Variants in PLCH2 observed in about 807,000 individuals in gnomAD.
PLCH2 encodes the protein 1-phosphatidylinositol 4,5-bisphosphate phosphodiesterase eta-2.
A neutral mutation model predicts 134.7 loss-of-function variants in PLCH2; 98 were observed. The ratio of observed to expected loss-of-function variants is 0.73; its 90% CI spans 0.62 to 0.86. PLCH2 has a LOEUF of 0.86. Ranked by LOEUF, PLCH2 falls within the 40% of genes least tolerant of loss-of-function variation. PLCH2 has a pLI of 0.00. For synonymous variants in PLCH2, 974 were observed against 827.5 expected, an observed-to-expected ratio of 1.18 and a Z score of -3.04; for missense variants, 1,994 against 1,986.6, an observed-to-expected ratio of 1.00 and a Z score of -0.07.
chr1:2,472,551 C>T (rs1229013007), upstream of PLCH2, among the ~76,000 whole-genome samples: 1 of 152,184 alleles, frequency 6.6e-6, no homozygotes, highest in Non-Finnish European at 1.5e-5. Context: ...ATGCGGCTGC[C>T]TCAGGGACTC....
At chr1:2,501,551 G>C (rs1301047606) in intron 20 of PLCH2, 1 of 152,678 alleles carries the variant, frequency 6.5e-6, no homozygotes, top group Non-Finnish European at 1.5e-5. Context: ...TCCTGGAAGA[G>C]GTGGTACTTC....
chr1:2,447,998 G>A (rs539811639), intron 2 of PLCH2, among the ~76,000 whole-genome samples: 41 of 152,332 alleles, frequency 2.7e-4, no homozygotes, highest in South Asian at 1.2e-3. Context: ...AGACCAGGCT[G>A]TGCCGCAGTG....
At chr1:2,478,903 C>T (rs1348512594) in intron 2 of PLCH2, among the ~76,000 whole-genome samples, 1 of 152,070 alleles carries the variant, frequency 6.6e-6, no homozygotes, top group Non-Finnish European at 1.5e-5. Flanking sequence ...AGGGGCACAG[C>T]ATAGTCCATC....
Position 2,504,137 on chromosome 1 carries a change from T to A in PLCH2, c.3175T>A (p.Cys1059Ser), listed in dbSNP as rs1558041916. 1 of 1,520,596 alleles carries A rather than the reference T, an allele frequency of 6.6e-7. No homozygotes were observed. 94.2% of individuals were successfully genotyped at this position (1,520,596 alleles called of 1,614,324 possible). A position where few individuals can be genotyped will look rare whatever the true frequency, so the allele number is the denominator to read the frequency against. Residue 1059 changes from cysteine (C) to serine (S), a missense_variant, in exon 22 of 22, where the codon TGC becomes AGC. Transcript: ENST00000378486. Reference sequence around the variant, plus strand: ...GCCCCGAGACAGCAGGCCTCGGCCGTGCAACGGCGAGGGCGCCGGCGGGGC... The same window carrying A: ...GCCCCGAGACAGCAGGCCTCGGCCGAGCAACGGCGAGGGCGCCGGCGGGGC... ...EEPRDSRPRP[C>S]NGEGAGGAYE...
chr1:2,503,856 C>G (rs1643375042), intron 21 of PLCH2, 66 bp from the exon 22 acceptor site: 1 of 657,322 alleles, frequency 1.5e-6, no homozygotes, highest in African/African-American at 1.8e-5. Context: ...CCGCCTCTCT[C>G]CCTGCCTCCC....
At chr1:2,424,669 G>A (rs1241425101), upstream of PLCH2, among the ~76,000 whole-genome samples, 1 of 151,988 alleles carries the variant, frequency 6.6e-6, no homozygotes, top group Non-Finnish European at 1.5e-5. Flanking sequence ...TGGCCAACAT[G>A]GCAAAACCCC....
Position 2,502,732 on chromosome 1 carries a change from C to T in PLCH2, c.2959+323C>T, listed in dbSNP as rs181061314. The T allele has an allele frequency of 2.9e-3, 2,101 of 715,678 alleles. 12 individuals carry two copies. The highest frequency in any genetic ancestry group is 4.4e-3 in the Non-Finnish European group (1,709 of 384,404). 44.3% of individuals were successfully genotyped at this position (715,678 alleles called of 1,614,324 possible). A position where few individuals can be genotyped will look rare whatever the true frequency, so the allele number is the denominator to read the frequency against. On this transcript the variant is annotated intron_variant, in intron 21 of 21. Transcript: ENST00000378486. ...CTGGGGCCTGGAGGCAGGGTCCAGG[C>T]GGTAGCGGCTCCATGTCCTCGGACT...
intron 2 of PLCH2, among the ~76,000 whole-genome samples, chr1:2,461,119 TG>T (rs1363497630): frequency 1.3e-5 from 2 of 152,216 alleles, no homozygotes; most frequent in Non-Finnish European, 2.9e-5. Context: ...TTGGTGGCCA[TG>T]GGGCAGTGTT....
At chr1:2,418,787 G>A in the PLCH2 span, among the ~76,000 whole-genome samples, 4 of 152,170 alleles carry the variant, frequency 2.6e-5, no homozygotes, top group Non-Finnish European at 5.9e-5. Context: ...CGCTTATGAC[G>A]GCCTCTCCTT....
chr1:2,496,484 T>C lies in PLCH2; in HGVS notation c.1836-123T>C, dbSNP rs922675202. The C allele has an allele frequency of 1.1e-5, 9 of 800,888 alleles. No individual in the cohort carries two copies. In the Admixed American group the frequency reaches 2.0e-4, roughly 18 times the overall value. 49.6% of individuals were successfully genotyped at this position (800,888 alleles called of 1,614,324 possible). A position where few individuals can be genotyped will look rare whatever the true frequency, so the allele number is the denominator to read the frequency against. On this transcript the variant is annotated intron_variant, in intron 13 of 21. Transcript: ENST00000378486. ...CGCGGCCCAGTCTGGCGTCCGTCTC[T>C]GATGGTTCGGGGCCTGCTGCGTGAA...
chr1:2,499,547 G>C (rs768794441), intron 19 of PLCH2, 94 bp from the exon 20 acceptor site: 6 of 951,480 alleles, frequency 6.3e-6, no homozygotes, highest in Non-Finnish European at 9.8e-6. Context: ...GGTGTATCTG[G>C]GGTCTTGGGA....
At chr1:2,489,048 C>T (rs1188935230) in intron 8 of PLCH2, among the ~76,000 whole-genome samples, 159 bp from the exon 9 acceptor site, 4 of 152,194 alleles carry the variant, frequency 2.6e-5, no homozygotes, top group Admixed American at 6.5e-5. Flanking sequence ...GACGGGTGGG[C>T]CACCTCCCAG....
At chr1:2,503,193 G>A in intron 21 of PLCH2, 1 of 595,620 alleles carries the variant, frequency 1.7e-6, no homozygotes, top group African/African-American at 1.8e-5. Context: ...TCTGGGGCCG[G>A]GACTGTGGCC....
At chr1:2,436,975 G>C (rs368813014) in intron 2 of PLCH2, among the ~76,000 whole-genome samples, 1 of 152,316 alleles carries the variant, frequency 6.6e-6, no homozygotes, top group African/African-American at 2.4e-5. Context: ...GTGGGGGTGA[G>C]CATGGGGACC....
intron 15 of PLCH2, 102 bp from the exon 16 acceptor site, chr1:2,497,400 G>T (rs1443666047): frequency 2.6e-6 from 2 of 768,844 alleles, no homozygotes; most frequent in South Asian, 1.7e-5. Context: ...CGGCAGATAC[G>T]CGGCAGCTGT....
At chr1:2,489,626 C>A (rs1408320714) in intron 9 of PLCH2, 134 bp from the exon 10 acceptor site, 2 of 779,432 alleles carry the variant, frequency 2.6e-6, no homozygotes, top group Non-Finnish European at 4.3e-6. Flanking sequence ...CTGGCCCCTG[C>A]CCCATGGCTG....
At chr1:2,429,894 C>A (rs1299909598) in intron 1 of PLCH2, among the ~76,000 whole-genome samples, 1 of 152,176 alleles carries the variant, frequency 6.6e-6, no homozygotes, top group Non-Finnish European at 1.5e-5. Flanking sequence ...CTCAGAGACA[C>A]CCCAGGCACC....
rs771890412 is a variant in PLCH2, at chr1:2,487,196, C to A, written c.934C>A (p.Pro312Thr). The A allele has an allele frequency of 6.3e-7, 1 of 1,579,706 alleles. No individual in the cohort carries two copies. Among genetic ancestry groups the A allele is most frequent in the African/African-American group, 1.3e-5 (1 of 74,170 alleles). The change falls in exon 7 of 22, where the codon CCT becomes ACT. Residue 312 changes from proline (P) to threonine (T), a missense_variant. Transcript: ENST00000378486. The stretch of plus-strand genomic sequence containing the variant: ...AGGCTTCACCAACTACACCAGGAGC[C>A]CTGCTGGTGACATCTTCAACCCTGA... The part of the protein sequence containing the change: ...IDGFTNYTRS[P>T]AGDIFNPEHH...
intron 4 of PLCH2, 96 bp downstream of exon 4, chr1:2,480,408 A>AG: frequency 7.2e-7 from 1 of 1,392,332 alleles, no homozygotes; most frequent in Non-Finnish European, 9.9e-7. Context: ...ACTGAGCTGG[A>AG]GGGGACCCTG....
Sources: allele counts gnomAD v4.1 joint callset (sites outside exome capture counted in the v4.1 genomes callset), GRCh38; gene constraint gnomAD v4.1.1; transcripts MANE v1.5; gene names NCBI Gene and HGNC (gene_info 2026-07-23, HGNC 2026-07-21).